KLHL29: variants seen among roughly 807,000 people sequenced by gnomAD.
KLHL29 encodes the protein kelch-like protein 29.
Under a neutral mutation model 80.4 loss-of-function variants are expected in KLHL29, and 21 were observed. The ratio of observed to expected loss-of-function variants is 0.26; its 90% CI spans 0.19 to 0.38. The LOEUF is 0.38. Among genes scored for constraint, KLHL29 ranks in the 10% least tolerant of loss-of-function variants. The pLI, the probability that KLHL29 is intolerant of heterozygous loss-of-function variation, is 1.00. For missense variants in KLHL29, 867 were observed against 1,223.9 expected, an observed-to-expected ratio of 0.71 and a Z score of 4.35; for synonymous variants, 511 against 526.8, an observed-to-expected ratio of 0.97 and a Z score of 0.41.
chr2:23,567,240 A>G (rs1667610231), intron 3 of KLHL29, among the ~76,000 whole-genome samples: 2 of 152,200 alleles, frequency 1.3e-5, no homozygotes, highest in African/African-American at 4.8e-5. Flanking sequence ...ATAAAATGCA[A>G]TTTTGTTCCT....
chr2:23,606,435 A>G (rs541154942), intron 3 of KLHL29, among the ~76,000 whole-genome samples: 1 of 152,102 alleles, frequency 6.6e-6, no homozygotes, highest in African/African-American at 2.4e-5. Flanking sequence ...GCCTTTCCCA[A>G]TTTCCAACTC....
chr2:23,591,523 G>A (rs775665000), intron 3 of KLHL29, among the ~76,000 whole-genome samples: 3 of 124,382 alleles, frequency 2.4e-5, no homozygotes, highest in African/African-American at 9.5e-5. Flanking sequence ...GTTCCCATCC[G>A]CATGTCCCTG....
At chr2:23,396,813 A>T (rs1191087094) in intron 1 of KLHL29, among the ~76,000 whole-genome samples, 1 of 152,228 alleles carries the variant, frequency 6.6e-6, no homozygotes, top group African/African-American at 2.4e-5. Context: ...AAAAATAAGA[A>T]GCACCTGGAT....
chr2:23,577,298 C>T (rs1441180209), intron 3 of KLHL29, among the ~76,000 whole-genome samples: 1 of 151,458 alleles, frequency 6.6e-6, no homozygotes, highest in Admixed American at 6.6e-5. Flanking sequence ...TAAAAATACA[C>T]GAAATAGCCG....
chr2:23,468,136 A>G (rs899345171), intron 1 of KLHL29, among the ~76,000 whole-genome samples: 6 of 152,176 alleles, frequency 3.9e-5, no homozygotes, highest in African/African-American at 1.4e-4. Context: ...TAGTGGTATC[A>G]TCCCCATTGT....
chr2:23,488,851 C>T (rs974447562), intron 2 of KLHL29, among the ~76,000 whole-genome samples: 1 of 152,210 alleles, frequency 6.6e-6, no homozygotes, highest in African/African-American at 2.4e-5. Flanking sequence ...GTGACTAATG[C>T]AAAGCCATCT....
intron 1 of KLHL29, among the ~76,000 whole-genome samples, chr2:23,460,488 C>A (rs1267658408): frequency 6.6e-6 from 1 of 152,110 alleles, no homozygotes; most frequent in Non-Finnish European, 1.5e-5. Flanking sequence ...TCTTAAAATG[C>A]ACAGAACAAG....
chr2:23,524,403 G>A (rs1007124136), intron 2 of KLHL29: 17 of 168,434 alleles, frequency 1.0e-4, no homozygotes, highest in South Asian at 4.6e-4. Flanking sequence ...CCCGGGAGGC[G>A]TCGGCAGGAG....
chr2:23,547,747 A>G (rs549402750), intron 2 of KLHL29, among the ~76,000 whole-genome samples: 1 of 152,064 alleles, frequency 6.6e-6, no homozygotes, highest in East Asian at 1.9e-4. Flanking sequence ...GGAGGAAAAG[A>G]TACTTGTTTG....
At chr2:23,606,152 G>A (rs1313987821) in intron 3 of KLHL29, among the ~76,000 whole-genome samples, 1 of 145,558 alleles carries the variant, frequency 6.9e-6, no homozygotes, top group East Asian at 2.1e-4. Flanking sequence ...GTGTGTGTGT[G>A]TGTATGTGTG....
intron 1 of KLHL29, among the ~76,000 whole-genome samples, chr2:23,449,355 A>G (rs1279922911): frequency 6.6e-6 from 1 of 152,210 alleles, no homozygotes. Context: ...CTGCCTAACA[A>G]GTCACCCTAA....
At chr2:23,428,721 C>G (rs1274776825) in intron 1 of KLHL29, among the ~76,000 whole-genome samples, 2 of 152,052 alleles carry the variant, frequency 1.3e-5, no homozygotes, top group Non-Finnish European at 1.5e-5. Flanking sequence ...CTTCTCGTGC[C>G]CAAACCTGAG....
chr2:23,552,500 C>T (rs1667154818), intron 2 of KLHL29, among the ~76,000 whole-genome samples: 1 of 152,174 alleles, frequency 6.6e-6, no homozygotes. Context: ...GAGGGTCCTT[C>T]CCATTACCCC....
intron 2 of KLHL29, among the ~76,000 whole-genome samples, chr2:23,544,080 A>G (rs746856258): frequency 6.6e-6 from 1 of 152,158 alleles, no homozygotes; most frequent in Non-Finnish European, 1.5e-5. Context: ...TTTCTTTGAC[A>G]TAACCTGACT....
intron 3 of KLHL29, among the ~76,000 whole-genome samples, chr2:23,565,673 G>A (rs954819516): frequency 6.6e-6 from 1 of 152,188 alleles, no homozygotes; most frequent in Admixed American, 6.5e-5. Flanking sequence ...TGGATGGTGG[G>A]GTGGGTGGGC....
intron 3 of KLHL29, among the ~76,000 whole-genome samples, chr2:23,612,632 C>CT (rs1668896997): frequency 6.6e-6 from 1 of 152,110 alleles, no homozygotes; most frequent in African/African-American, 2.4e-5. Context: ...ATCCCAGCTA[C>CT]TCAGTAGGCT....
intron 5 of KLHL29, among the ~76,000 whole-genome samples, chr2:23,659,905 C>T (rs1439240342): frequency 6.6e-6 from 1 of 151,884 alleles, no homozygotes; most frequent in Non-Finnish European, 1.5e-5. Context: ...TAACGCACCA[C>T]CTGGCCAGGC....
intron 3 of KLHL29, among the ~76,000 whole-genome samples, chr2:23,608,464 T>G (rs762764689): frequency 1.6e-4 from 24 of 151,936 alleles, no homozygotes; most frequent in Admixed American, 5.9e-4. Flanking sequence ...TTCCTCTGTC[T>G]TATCTTCTAT....
At chr2:23,616,538 C>A (rs1431565056) in intron 3 of KLHL29, 1 of 152,052 alleles carries the variant, frequency 6.6e-6, no homozygotes, top group East Asian at 1.9e-4. Context: ...AAAAAGAAAC[C>A]GTTTCAATCA....
Sources: gnomAD v4.1 joint callset for allele counts (sites outside exome capture counted in the v4.1 genomes callset) on GRCh38, gnomAD v4.1.1 for gene constraint, MANE v1.5 for transcripts, NCBI Gene and HGNC (gene_info 2026-07-23, HGNC 2026-07-21) for gene names.